The following ATG3 variants were observed in gnomAD, a reference collection of about 807,000 sequenced individuals.
The protein encoded by ATG3 is autophagy related 3.
A neutral mutation model predicts 50.7 loss-of-function variants in ATG3; 25 were observed. That is an observed-to-expected ratio of 0.49 (90% CI 0.36 to 0.69). The LOEUF (loss-of-function observed/expected upper bound fraction) is 0.69. Among genes scored for constraint, ATG3 ranks in the 30% least tolerant of loss-of-function variants. The probability of loss-of-function intolerance (pLI) is 0.00; values close to 1 mark genes in which losing one functional copy is unlikely to be tolerated. For synonymous variants in ATG3, 119 were observed against 125.5 expected, an observed-to-expected ratio of 0.95 and a Z score of 0.34; for missense variants, 281 against 376.0, an observed-to-expected ratio of 0.75 and a Z score of 2.09.
chr3:112,532,909 A>G (rs2082566391), intron 11 of ATG3, 129 bp from the exon 12 acceptor site: 2 of 1,312,300 alleles, frequency 1.5e-6, no homozygotes, highest in South Asian at 2.1e-5. Context: ...AATTAAGTCT[A>G]TTAAAGAATT....
chr3:112,536,716 T>TC, intron 9 of ATG3, 114 bp from the exon 10 acceptor site: 1 of 1,078,018 alleles, frequency 9.3e-7, no homozygotes, highest in Non-Finnish European at 1.3e-6. Flanking sequence ...GGTCAGGAGA[T>TC]CGAGACCATC....
chr3:112,553,602 T>G (rs1933585544), intron 2 of ATG3, among the ~76,000 whole-genome samples: 1 of 152,210 alleles, frequency 6.6e-6, no homozygotes, highest in Non-Finnish European at 1.5e-5. Flanking sequence ...TCAGTTTTTA[T>G]AATTGGATTA....
chr3:112,538,756 C>T (rs1933145463), intron 7 of ATG3, among the ~76,000 whole-genome samples: 1 of 152,128 alleles, frequency 6.6e-6, no homozygotes, highest in African/African-American at 2.4e-5. Context: ...ATTTCTGTAA[C>T]GATTTCATCC....
At chr3:112,533,356 A>G (rs1360333371) in intron 11 of ATG3, 1 of 985,110 alleles carries the variant, frequency 1.0e-6, no homozygotes, top group Non-Finnish European at 1.2e-6. Context: ...TATGAATTAT[A>G]TATAGACAGT....
At position 112,532,770 on chromosome 3, in the gene ATG3, T is replaced by G. The variant is rs573317203; in HGVS notation, c.874A>C (p.Ile292Leu). 5.6e-6 allele frequency: 9 copies of G among 1,595,656 alleles called. No individual in the cohort carries two copies. Among genetic ancestry groups the G allele is most frequent in the East Asian group, 2.3e-5 (1 of 44,206 alleles). ...GELGVHMYLL[I>L]FLKFVQAVIP... is the part of the protein sequence containing the mutation. ...ACAGCTTGTACAAATTTCAAGAAAA[T>G]AAGAAGATACCTAAAGGTTTTTAGC... The change falls in exon 12 of 12, where the codon ATT becomes CTT. Residue 292 changes from isoleucine to leucine, a missense_variant. Transcript: ENST00000283290.
At chr3:112,543,960 T>G in intron 6 of ATG3, 97 bp downstream of exon 6, 1 of 865,210 alleles carries the variant, frequency 1.2e-6, no homozygotes, top group East Asian at 2.7e-5. Flanking sequence ...AGGGTTTTTA[T>G]AAGAAAGATA....
At chr3:112,553,209 T>C (rs573254611) in intron 3 of ATG3, 71 bp downstream of exon 3, 5 of 1,301,482 alleles carry the variant, frequency 3.8e-6, no homozygotes, top group African/African-American at 1.5e-5. Context: ...CATTAACCTA[T>C]TTTGCAAATT....
chr3:112,548,624 C>T lies in ATG3; in HGVS notation c.252G>A (p.Arg84=). Residue 84 remains arginine (R), a synonymous_variant, in exon 5 of 12, where the codon CGG becomes CGA. Coordinates refer to ENST00000283290, the MANE Select transcript of ATG3 (RefSeq NM_022488.5). The stretch of plus-strand genomic sequence containing the variant: ...CATCTGAATATTCCATCTGTTTGCA[C>T]CGCTTATAGCACGGCACTATAAAAA... ...LVTKNVPCYK[R]CKQMEYSDEL... 2 of 1,613,892 alleles carry T rather than the reference C, an allele frequency of 1.2e-6. No homozygotes were observed. The highest frequency in any genetic ancestry group is 1.1e-5 in the South Asian group (1 of 91,080).
At position 112,561,337 on chromosome 3, in the gene ATG3, C is replaced by G. The variant is rs1273661055; in HGVS notation, c.72+120G>C. 3.9e-6 allele frequency: 4 copies of G among 1,017,144 alleles called. No homozygotes were observed. The Admixed American group carries it at 7.9e-5, about 20-fold the overall frequency. 63.0% of individuals were successfully genotyped at this position (1,017,144 alleles called of 1,614,324 possible). A position where few individuals can be genotyped will look rare whatever the true frequency, so the allele number is the denominator to read the frequency against. On this transcript the variant is annotated intron_variant, in intron 1 of 11. Coordinates refer to ENST00000283290, the MANE Select transcript of ATG3 (RefSeq NM_022488.5). ...GGGGGCTGCACACTTCCCTGTGTCTCGAGCCCTACTGCCTTCCTACACCTT... is the reference window on the plus strand; with the variant it reads ...GGGGGCTGCACACTTCCCTGTGTCTGGAGCCCTACTGCCTTCCTACACCTT...
At chr3:112,540,218 G>C (rs1933188377) in intron 7 of ATG3, among the ~76,000 whole-genome samples, 1 of 152,172 alleles carries the variant, frequency 6.6e-6, no homozygotes, top group Non-Finnish European at 1.5e-5. Flanking sequence ...TAAAATTTAG[G>C]AACAGACATA....
chr3:112,541,905 A>T (rs2107373913), intron 6 of ATG3, 21 bp from the exon 7 acceptor site: 1 of 1,573,366 alleles, frequency 6.4e-7, no homozygotes, highest in East Asian at 2.2e-5. Flanking sequence ...AATTATATTT[A>T]AAATCACTTA....
At chr3:112,539,054 TCAAAGTATTC>T (rs1180460877) in intron 7 of ATG3, among the ~76,000 whole-genome samples, 1 of 152,156 alleles carries the variant, frequency 6.6e-6, no homozygotes, top group Non-Finnish European at 1.5e-5. Context: ...GGCTCAACCC[TCAAAGTATTC>T]CAGCATTCTA....
At position 112,548,830 on chromosome 3, in the gene ATG3, C is replaced by T. The variant is rs575829478; in HGVS notation, c.236-190G>A. Among the ~76,000 whole-genome samples, 3 of 152,290 alleles carry T rather than the reference C, an allele frequency of 2.0e-5. No individual in the cohort carries two copies. In the South Asian group the frequency reaches 6.2e-4, roughly 32 times the overall value. Reference sequence around the variant, plus strand: ...ACACATAATTATTTGGCTACATTTACCTTTTCCTAAATTGCTTTGTCAGAA... The same window carrying T: ...ACACATAATTATTTGGCTACATTTATCTTTTCCTAAATTGCTTTGTCAGAA... On this transcript the variant is annotated intron_variant, in intron 4 of 11. Transcript: ENST00000283290.
intron 5 of ATG3, among the ~76,000 whole-genome samples, chr3:112,546,236 T>C (rs771048146): frequency 6.6e-6 from 1 of 152,198 alleles, no homozygotes; most frequent in Non-Finnish European, 1.5e-5. Flanking sequence ...CACTTATCTG[T>C]GGGGAATACA....
At chr3:112,533,078 C>G in intron 11 of ATG3, 1 of 1,023,180 alleles carries the variant, frequency 9.8e-7, no homozygotes, top group Non-Finnish European at 1.2e-6. Context: ...TAAATGAGTA[C>G]AAAATGTACT....
In ATG3 at chr3:112,542,922, A is replaced by C. The variant is rs536723963; in HGVS notation, c.394-1038T>G. 2.4e-4 allele frequency among the ~76,000 whole-genome samples: 37 copies of C among 152,200 alleles called. No individual in the cohort carries two copies. In the South Asian group the frequency reaches 7.7e-3, roughly 32 times the overall value. On this transcript the variant is annotated intron_variant, in intron 6 of 11. Transcript: ENST00000283290. ...TGGTCAGAGTAAACAAGATCTTCTAAAACAGCAAAGCAATTTGTGTTATTT... is the reference window on the plus strand; with the variant it reads ...TGGTCAGAGTAAACAAGATCTTCTACAACAGCAAAGCAATTTGTGTTATTT...
At position 112,536,612 on chromosome 3, in the gene ATG3, T is replaced by TA; in HGVS notation, c.667-11dup. Reference sequence around the variant, plus strand: ...TTAAAGGCTGCCGTTGCTGAAAGCATAAAAAATGCTTTGAAATTACTATTT... The same window carrying TA: ...TTAAAGGCTGCCGTTGCTGAAAGCATAAAAAAATGCTTTGAAATTACTATTT... On this transcript the variant is annotated splice_polypyrimidine_tract_variant and intron_variant, in intron 9 of 11. Transcript: ENST00000283290. 6.2e-7 allele frequency: 1 copy of TA among 1,612,170 alleles called. No homozygotes were observed. Among genetic ancestry groups the TA allele is most frequent in the Non-Finnish European group, 8.5e-7 (1 of 1,178,302 alleles).
chr3:112,553,195 C>A (rs1933575793), intron 3 of ATG3, 85 bp downstream of exon 3: 1 of 1,120,408 alleles, frequency 8.9e-7, no homozygotes, highest in African/African-American at 1.6e-5. Flanking sequence ...TTCTAATTTT[C>A]ATCCATTAAC....
At chr3:112,549,901 TAGGTAGTATGAATTTC>T (rs970833944) in intron 4 of ATG3, among the ~76,000 whole-genome samples, 1 of 151,852 alleles carries the variant, frequency 6.6e-6, no homozygotes, top group Non-Finnish European at 1.5e-5. Context: ...TTAGATGTCA[TAGGTAGTATGAATTTC>T]ATTTGCCATG....
Sources: allele counts gnomAD v4.1 joint callset (sites outside exome capture counted in the v4.1 genomes callset), GRCh38; gene constraint gnomAD v4.1.1; transcripts MANE v1.5; gene names NCBI Gene and HGNC (gene_info 2026-07-23, HGNC 2026-07-21).